XAF1: variants seen among roughly 807,000 people sequenced by gnomAD.
The protein encoded by XAF1 is XIAP-associated factor 1.
Under a neutral mutation model 32.3 loss-of-function variants are expected in XAF1, and 32 were observed. The observed-to-expected ratio is 0.99, with a 90% CI of 0.75 to 1.33. The LOEUF is 1.33. Ranked by LOEUF, XAF1 falls within the 40% of genes most tolerant of loss-of-function variation. The pLI is 0.00. For synonymous variants in XAF1, 120 were observed against 125.9 expected, an observed-to-expected ratio of 0.95 and a Z score of 0.31; for missense variants, 379 against 366.0, an observed-to-expected ratio of 1.04 and a Z score of -0.29.
At chr17:6,771,053 A>T (rs1976001007) in intron 6 of XAF1, 69 bp downstream of exon 6, 1 of 1,523,990 alleles carries the variant, frequency 6.6e-7, no homozygotes, top group Admixed American at 2.0e-5. Context: ...AAAATCCAAG[A>T]CCTGAAAGAT....
upstream of XAF1, chr17:6,755,735 G>A: frequency 9.0e-7 from 1 of 1,111,578 alleles, no homozygotes; most frequent in Non-Finnish European, 1.1e-6. Context: ...GTTTGGAAAA[G>A]GGATGGAGAC....
intron 4 of XAF1, 90 bp from the exon 5 acceptor site, chr17:6,762,065 T>A: frequency 6.3e-7 from 1 of 1,599,390 alleles, no homozygotes; most frequent in South Asian, 1.1e-5. Flanking sequence ...TTCGTGCTCA[T>A]GAGCACAGGC....
At chr17:6,764,140 A>C (rs902822307) in intron 5 of XAF1, among the ~76,000 whole-genome samples, 2 of 152,126 alleles carry the variant, frequency 1.3e-5, no homozygotes, top group African/African-American at 4.8e-5. Context: ...TGGCTGTGTA[A>C]CCTCTCTGAG....
rs1484786346 is a variant in XAF1 at position 6,761,874 on chromosome 17, T to A, written c.422-281T>A. 3.5e-6 allele frequency: 5 copies of A among 1,442,304 alleles called. No individual in the cohort carries two copies. The East Asian group carries it at 1.6e-4, about 45-fold the overall frequency. 89.3% of individuals were successfully genotyped at this position (1,442,304 alleles called of 1,614,324 possible). The stretch of plus-strand genomic sequence containing the variant: ...TTGGCATCCGTGGCTACAGCTCCAT[T>A]CATCTCCTTAGAAACCAGTCCTGAT... On this transcript the variant is annotated intron_variant, in intron 4 of 6. Transcript: ENST00000361842.
intron 5 of XAF1, among the ~76,000 whole-genome samples, chr17:6,764,571 T>G (rs1241026413): frequency 6.6e-6 from 1 of 151,236 alleles, no homozygotes; most frequent in East Asian, 1.9e-4. Context: ...CGAAAAGAAT[T>G]TTTTTTTAAT....
chr17:6,756,398 T>C, intron 1 of XAF1: 1 of 782,354 alleles, frequency 1.3e-6, no homozygotes, highest in Non-Finnish European at 1.8e-6. Context: ...CCAACTGGGC[T>C]ACTCATACTT....
At chr17:6,762,286 A>T in intron 5 of XAF1, 46 bp downstream of exon 5, 1 of 1,503,496 alleles carries the variant, frequency 6.7e-7, no homozygotes, top group East Asian at 2.3e-5. Flanking sequence ...TAGTTCATCC[A>T]CATTCTGAAA....
At chr17:6,764,288 A>C (rs1234396777) in intron 5 of XAF1, among the ~76,000 whole-genome samples, 2 of 152,170 alleles carry the variant, frequency 1.3e-5, no homozygotes, top group African/African-American at 4.8e-5. Flanking sequence ...CCCACCTCTT[A>C]ACCATAGAGG....
chr17:6,767,545 TTG>T (rs1439459900), intron 5 of XAF1, among the ~76,000 whole-genome samples: 1 of 152,144 alleles, frequency 6.6e-6, no homozygotes, highest in Non-Finnish European at 1.5e-5. Context: ...GAACTATACT[TTG>T]TTTGTTTTCT....
chr17:6,760,825 G>C (rs923621477), intron 4 of XAF1, among the ~76,000 whole-genome samples: 4 of 152,182 alleles, frequency 2.6e-5, no homozygotes, highest in Non-Finnish European at 5.9e-5. Flanking sequence ...TAGGAGGCCG[G>C]GGCTAGAGCC....
intron 5 of XAF1, among the ~76,000 whole-genome samples, chr17:6,767,340 G>A (rs1975693127): frequency 1.3e-5 from 2 of 152,148 alleles, no homozygotes; most frequent in Admixed American, 1.3e-4. Context: ...TCTACTCTTA[G>A]ATACATTACA....
At chr17:6,771,023 C>T (rs762259945) in intron 6 of XAF1, 39 bp downstream of exon 6, 1 of 1,593,880 alleles carries the variant, frequency 6.3e-7, no homozygotes, top group Non-Finnish European at 8.6e-7. Flanking sequence ...TTCTGGGAAC[C>T]ATCCGCACAG....
chr17:6,760,805 C>G (rs1198890407), intron 4 of XAF1, among the ~76,000 whole-genome samples: 1 of 152,126 alleles, frequency 6.6e-6, no homozygotes. Flanking sequence ...AATGACTGGT[C>G]CAGGGAGACT....
chr17:6,759,603 C>T lies in XAF1; in HGVS notation c.169-59C>T, dbSNP rs369399388. 6.1e-5 allele frequency: 98 copies of T among 1,604,958 alleles called. No individual in the cohort carries two copies. The Middle Eastern group carries it at 6.4e-4, about 10-fold the overall frequency. ...GAGCCAAAGTGGATGTGGGGCAGGC[C>T]CTGGGTGCTGGGTGGACCCACATCT... On this transcript the variant is annotated intron_variant, in intron 2 of 6. Transcript: ENST00000361842.
intron 5 of XAF1, among the ~76,000 whole-genome samples, chr17:6,764,511 C>G (rs6502976): frequency 0.49 from 74,220 of 152,030 alleles, 20,869 homozygotes; most frequent in African/African-American, 0.79. Context: ...CTTACAATAA[C>G]TTTTTAAAGG....
chr17:6,770,980 A>G lies in XAF1; in HGVS notation c.845A>G (p.His282Arg). ...CTTCCCCTGCCGATCCTAAATCAAC[A>G]TCAGGTACTCAGCCTCTGTTCTCTG... Reference protein sequence around the residue: ...ILLPLPILNQHQEKCRWLASS... With the variant: ...ILLPLPILNQRQEKCRWLASS... The change falls in exon 6 of 7, where the codon CAT becomes CGT. Residue 282 changes from histidine (H) to arginine (R), a missense_variant. His to Arg is a conservative substitution (Grantham distance 29). Coordinates refer to ENST00000361842, the MANE Select transcript of XAF1 (RefSeq NM_017523.5). The G allele has an allele frequency of 6.2e-7, 1 of 1,614,024 alleles. No individual in the cohort carries two copies. The highest frequency in any genetic ancestry group is 1.1e-5 in the South Asian group (1 of 91,062).
chr17:6,762,352 G>T, intron 5 of XAF1, 112 bp downstream of exon 5: 1 of 871,912 alleles, frequency 1.1e-6, no homozygotes. Flanking sequence ...GGATATTAAA[G>T]GGTCCCATAT....
At chr17:6,765,468 C>CA (rs1302164441) in intron 5 of XAF1, among the ~76,000 whole-genome samples, 1 of 152,148 alleles carries the variant, frequency 6.6e-6, no homozygotes, top group Non-Finnish European at 1.5e-5. Context: ...CATATGTAGT[C>CA]AGACACTTCC....
intron 6 of XAF1, among the ~76,000 whole-genome samples, chr17:6,772,536 T>C (rs1218140099): frequency 5.6e-5 from 8 of 142,968 alleles, no homozygotes; most frequent in Non-Finnish European, 9.1e-5. Flanking sequence ...AGTGGTGGGA[T>C]CTCGGCTCAC....
Sources: gnomAD v4.1 joint callset for allele counts (sites outside exome capture counted in the v4.1 genomes callset) on GRCh38, gnomAD v4.1.1 for gene constraint, MANE v1.5 for transcripts, NCBI Gene and HGNC (gene_info 2026-07-23, HGNC 2026-07-21) for gene names.